UBR1: variants seen among roughly 807,000 people sequenced by gnomAD.
UBR1 encodes E3 ubiquitin-protein ligase UBR1.
UBR1 carries 102 observed loss-of-function variants against 242.1 expected under a neutral mutation model. The observed-to-expected ratio is 0.42, with a 90% CI of 0.36 to 0.50. The LOEUF is 0.50. Ranked by LOEUF, UBR1 falls within the 20% of genes least tolerant of loss-of-function variation. The probability of loss-of-function intolerance (pLI) is 0.01; values close to 1 mark genes in which losing one functional copy is unlikely to be tolerated. For missense variants in UBR1, 1,772 were observed against 2,101.8 expected (o/e 0.84, Z 3.07); for synonymous variants, 675 against 684.8 (o/e 0.99, Z 0.22).
intron 35 of UBR1, among the ~76,000 whole-genome samples, chr15:42,986,170 A>G (rs1167565233): frequency 6.6e-6 from 1 of 152,144 alleles, no homozygotes; most frequent in Non-Finnish European, 1.5e-5. Flanking sequence ...AGTAATTCAA[A>G]GGACGCTTTG....
chr15:42,945,365 A>G lies in UBR1; in HGVS notation c.5214T>C (p.Asn1738=). Residue 1738 remains asparagine, a synonymous_variant, in exon 47 of 47, where the codon AAT becomes AAC. Coordinates refer to ENST00000290650, the MANE Select transcript of UBR1 (RefSeq NM_174916.3). ...GCCAGTTGAATCCAAATAACATCTGATTAGTCTCTTGGCTCCTAGCAATCT... is the reference window on the plus strand; with the variant it reads ...GCCAGTTGAATCCAAATAACATCTGGTTAGTCTCTTGGCTCCTAGCAATCT... ...IEEIARSQET[N]QMLFGFNWQL... The G allele has an allele frequency of 1.2e-6, 2 of 1,614,170 alleles. No homozygotes were observed. The highest frequency in any genetic ancestry group is 1.7e-6 in the Non-Finnish European group (2 of 1,180,022).
At chr15:42,961,944 T>G (rs2032029063) in intron 42 of UBR1, among the ~76,000 whole-genome samples, 1 of 149,768 alleles carries the variant, frequency 6.7e-6, no homozygotes, top group South Asian at 2.1e-4. Flanking sequence ...TTTTGTATTT[T>G]TAGTAGAAAT....
chr15:43,092,111 C>A, intron 1 of UBR1: 2 of 413,054 alleles, frequency 4.8e-6, no homozygotes, highest in Non-Finnish European at 4.9e-6. Context: ...ATACTCTTGG[C>A]TGATTTAGGC....
At chr15:43,021,147 T>A (rs902969571) in intron 27 of UBR1, 128 bp downstream of exon 27, 2 of 674,734 alleles carry the variant, frequency 3.0e-6, no homozygotes, top group East Asian at 5.7e-5. Flanking sequence ...ATTATTAACA[T>A]GAAAAATAAG....
At position 43,043,323 on chromosome 15, in the gene UBR1, T is replaced by C; in HGVS notation, c.1741A>G (p.Ser581Gly). The C allele has an allele frequency of 6.2e-7, 1 of 1,614,150 alleles. No homozygotes were observed. Among genetic ancestry groups the C allele is most frequent in the Non-Finnish European group, 8.5e-7 (1 of 1,180,008 alleles). The change falls in exon 15 of 47, where the codon AGT becomes GGT. Residue 581 changes from serine (S) to glycine (G), a missense_variant. By Grantham distance (56) the Ser-to-Gly change is moderately conservative. This residue lies in a region of UBR1 where 734 missense variants were observed against 893.3 expected (regional missense o/e 0.82). Transcript: ENST00000290650. The stretch of plus-strand genomic sequence containing the variant: ...CACGATTGTACTACTGTCTTGCTAC[T>C]AGATATGAAACTGGTACTGCACCTC... ...VMRCSTSFIS[S>G]SKTVVQSCGH...
chr15:43,017,387 G>A (rs776474204), intron 27 of UBR1, among the ~76,000 whole-genome samples: 2 of 152,184 alleles, frequency 1.3e-5, no homozygotes, highest in Non-Finnish European at 2.9e-5. Context: ...GGAGGCCACT[G>A]GTAGCAGAAT....
chr15:43,082,438 T>C (rs2033984418), intron 3 of UBR1, among the ~76,000 whole-genome samples, 200 bp downstream of exon 3: 1 of 152,246 alleles, frequency 6.6e-6, no homozygotes, highest in Non-Finnish European at 1.5e-5. Context: ...TAATATCTGA[T>C]CTTGAGTCTC....
chr15:42,983,695 T>TAAC (rs2032415321), intron 37 of UBR1, among the ~76,000 whole-genome samples: 1 of 148,096 alleles, frequency 6.8e-6, no homozygotes, highest in African/African-American at 2.5e-5. Flanking sequence ...ATAATAATAA[T>TAAC]AATAATATCA....
chr15:42,970,403 T>A, intron 40 of UBR1, 117 bp downstream of exon 40: 1 of 1,074,558 alleles, frequency 9.3e-7, no homozygotes, highest in Non-Finnish European at 1.4e-6. Flanking sequence ...CAAGAAAACC[T>A]AGGCAATAAC....
chr15:43,001,377 G>C (rs2032722875), intron 32 of UBR1, among the ~76,000 whole-genome samples: 1 of 152,172 alleles, frequency 6.6e-6, no homozygotes. Context: ...TCCAACTCCT[G>C]ACCTCGTGAT....
chr15:43,059,275 G>GGA, intron 8 of UBR1, 83 bp from the exon 9 acceptor site: 1 of 1,306,964 alleles, frequency 7.7e-7, no homozygotes, highest in Non-Finnish European at 1.1e-6. Context: ...CTGTTGCCCA[G>GGA]GTTGGTCTTG....
intron 35 of UBR1, among the ~76,000 whole-genome samples, chr15:42,986,566 G>C (rs2032462449): frequency 6.6e-6 from 1 of 152,170 alleles, no homozygotes; most frequent in African/African-American, 2.4e-5. Context: ...GACTCCACAA[G>C]AATGCTTTAC....
At chr15:42,988,115 T>C (rs896359694) in intron 35 of UBR1, among the ~76,000 whole-genome samples, 2 of 152,192 alleles carry the variant, frequency 1.3e-5, no homozygotes, top group African/African-American at 2.4e-5. Flanking sequence ...TTTCCGTTAA[T>C]TTTTAGGTGA....
chr15:42,951,788 T>A (rs912363136), intron 45 of UBR1, among the ~76,000 whole-genome samples: 1 of 152,102 alleles, frequency 6.6e-6, no homozygotes, highest in Admixed American at 6.6e-5. Flanking sequence ...CTGGCTAATT[T>A]TTTATAGAGA....
chr15:42,984,470 G>A (rs879504279), intron 36 of UBR1, among the ~76,000 whole-genome samples: 3 of 152,176 alleles, frequency 2.0e-5, no homozygotes, highest in Non-Finnish European at 4.4e-5. Flanking sequence ...CTACAGTAGT[G>A]TCAGTATCTG....
chr15:43,015,035 C>T (rs1184181772), intron 29 of UBR1, among the ~76,000 whole-genome samples: 24 of 151,102 alleles, frequency 1.6e-4, no homozygotes, highest in African/African-American at 2.9e-4. Context: ...GGTCAGCCCC[C>T]GCCCGGCCAG....
At chr15:42,996,959 CA>C (rs1377041754) in intron 33 of UBR1, among the ~76,000 whole-genome samples, 1 of 152,120 alleles carries the variant, frequency 6.6e-6, no homozygotes, top group African/African-American at 2.4e-5. Flanking sequence ...CTACTGATTT[CA>C]CTGCCTAAAC....
intron 35 of UBR1, among the ~76,000 whole-genome samples, chr15:42,987,711 C>CAAAA (rs35169116): frequency 4.9e-4 from 27 of 54,592 alleles, no homozygotes; most frequent in Admixed American, 7.9e-4. Flanking sequence ...GACTCTGTCT[C>CAAAA]AAAAAAAAAA....
chr15:42,976,994 A>G (rs573815046), intron 38 of UBR1, 127 bp from the exon 39 acceptor site: 54 of 1,064,782 alleles, frequency 5.1e-5, no homozygotes, highest in Non-Finnish European at 7.0e-5. Flanking sequence ...AATAAAAACC[A>G]TATTTTTCTT....
Sources: gnomAD v4.1 joint callset for allele counts (sites outside exome capture counted in the v4.1 genomes callset) on GRCh38, gnomAD v4.1.1 for gene constraint, gnomAD v4.1.1 regional missense constraint, MANE v1.5 for transcripts, NCBI Gene and HGNC (gene_info 2026-07-23, HGNC 2026-07-21) for gene names.